The following VWA3B variants were observed in gnomAD, a reference collection of about 807,000 sequenced individuals.
VWA3B encodes von Willebrand factor A domain-containing protein 3B.
VWA3B carries 138 observed loss-of-function variants against 158.3 expected under a neutral mutation model. The observed-to-expected ratio is 0.87, with a 90% CI of 0.76 to 1.00. VWA3B has a LOEUF of 1.00. Ranked by LOEUF, VWA3B falls within the 50% of genes least tolerant of loss-of-function variation. VWA3B has a pLI of 0.00. For missense variants in VWA3B, 1,555 were observed against 1,565.1 expected (o/e 0.99, Z 0.11); for synonymous variants, 596 against 587.3 (o/e 1.01, Z -0.21).
intron 2 of VWA3B, among the ~76,000 whole-genome samples, chr2:98,113,435 T>A (rs1263250738): frequency 6.6e-6 from 1 of 152,152 alleles, no homozygotes; most frequent in Non-Finnish European, 1.5e-5. Context: ...CCACATTTGG[T>A]TGAAAAAAAT....
At chr2:98,117,748 CTTTTTT>C (rs35080840) in intron 3 of VWA3B, among the ~76,000 whole-genome samples, 1 of 119,470 alleles carries the variant, frequency 8.4e-6, no homozygotes, top group African/African-American at 3.5e-5. Flanking sequence ...CTTAAATTAC[CTTTTTT>C]TTTTTTTTTT....
At chr2:98,313,768 T>C (rs530953844), downstream of VWA3B, among the ~76,000 whole-genome samples, 3 of 152,154 alleles carry the variant, frequency 2.0e-5, no homozygotes, top group Non-Finnish European at 1.5e-5. Flanking sequence ...ATCACTGGTG[T>C]CTGGTGGTGG....
chr2:98,173,571 C>A lies in VWA3B; in HGVS notation c.1115-7445C>A, dbSNP rs557138440. Among the ~76,000 whole-genome samples the A allele has an allele frequency of 1.4e-4, 21 of 152,194 alleles. 2 individuals carry two copies. The South Asian group carries it at 2.1e-3, about 15-fold the overall frequency. ...TCTCCCCAAATTTGGGAGAATTGGT[C>A]GATTAGCATTTTGTAGATGCTATAC... On this transcript the variant is annotated intron_variant, in intron 8 of 27. Transcript: ENST00000477737.
In VWA3B at chr2:98,125,821, A is replaced by G. The variant is rs1044462903; in HGVS notation, c.703-2418A>G. ...TGGGACTACAGGCGCCTGCCACCACATCCGGCTAATTTTTCTGTATTTTTA... is the reference window on the plus strand; with the variant it reads ...TGGGACTACAGGCGCCTGCCACCACGTCCGGCTAATTTTTCTGTATTTTTA... On this transcript the variant is annotated intron_variant, in intron 5 of 27. Coordinates refer to ENST00000477737, the MANE Select transcript of VWA3B (RefSeq NM_144992.5). This position sits in a 1 kb window ranked among gnomAD's most constrained non-coding sequence, Gnocchi z 4.1. 6.6e-6 allele frequency among the ~76,000 whole-genome samples: 1 copy of G among 151,816 alleles called. No homozygotes were observed. The highest frequency in any genetic ancestry group is 2.1e-4 in the South Asian group (1 of 4,810).
intron 2 of VWA3B, among the ~76,000 whole-genome samples, chr2:98,102,626 T>C (rs1683167609): frequency 6.6e-6 from 1 of 152,228 alleles, no homozygotes; most frequent in South Asian, 2.1e-4. Flanking sequence ...TACCAATTTC[T>C]TACATTTTGT....
chr2:98,195,856 A>G (rs780443547), intron 12 of VWA3B, among the ~76,000 whole-genome samples: 2 of 152,196 alleles, frequency 1.3e-5, no homozygotes, highest in Non-Finnish European at 2.9e-5. Flanking sequence ...GGCTTGTTGA[A>G]TGTCCAAAAT....
At chr2:98,250,517 C>CTT (rs370926569) in intron 20 of VWA3B, 81 bp downstream of exon 20, 733 of 873,474 alleles carry the variant, frequency 8.4e-4, no homozygotes, top group South Asian at 1.0e-3. Context: ...TTTAGCTTAG[C>CTT]TTTTTTTTTT....
chr2:98,273,787 G>C (rs1349465818), intron 22 of VWA3B, among the ~76,000 whole-genome samples: 3 of 152,138 alleles, frequency 2.0e-5, no homozygotes, highest in African/African-American at 7.2e-5. Context: ...TGGAGACCCT[G>C]CTGCATAACA....
chr2:98,123,544 A>G (rs546379895), intron 5 of VWA3B, among the ~76,000 whole-genome samples: 7 of 152,340 alleles, frequency 4.6e-5, no homozygotes, highest in African/African-American at 1.7e-4. Context: ...AGAAGAGCAC[A>G]TGCAGAGTGG....
intron 9 of VWA3B, among the ~76,000 whole-genome samples, chr2:98,184,394 A>G (rs1308980581): frequency 6.6e-6 from 1 of 152,280 alleles, no homozygotes; most frequent in East Asian, 1.9e-4. Flanking sequence ...GCTTATCTCC[A>G]TGCAGTTAAC....
At chr2:98,128,827 G>A (rs762181804) in intron 6 of VWA3B, among the ~76,000 whole-genome samples, 4 of 152,174 alleles carry the variant, frequency 2.6e-5, no homozygotes, top group Non-Finnish European at 5.9e-5. Flanking sequence ...CTACACCCCA[G>A]AGCTCAGGGA....
chr2:98,251,206 G>T (rs989485884), intron 20 of VWA3B, among the ~76,000 whole-genome samples: 2 of 152,144 alleles, frequency 1.3e-5, no homozygotes, highest in African/African-American at 2.4e-5. Flanking sequence ...CTTCAACAAG[G>T]TTTTAAAGAA....
intron 2 of VWA3B, among the ~76,000 whole-genome samples, chr2:98,096,520 C>T (rs946235576): frequency 3.9e-5 from 6 of 152,270 alleles, no homozygotes; most frequent in African/African-American, 4.8e-5. Context: ...CCACCTGCCT[C>T]GGCCTCCCAA....
chr2:98,228,756 G>A (rs939208946), intron 15 of VWA3B, among the ~76,000 whole-genome samples: 5 of 152,276 alleles, frequency 3.3e-5, no homozygotes, highest in African/African-American at 2.4e-5. Flanking sequence ...AATGGTGGCC[G>A]TGGTGGTGGG....
intron 12 of VWA3B, among the ~76,000 whole-genome samples, chr2:98,202,672 T>C (rs181112751): frequency 3.3e-5 from 5 of 152,312 alleles, no homozygotes; most frequent in African/African-American, 1.2e-4. Context: ...CAGTTCGAGA[T>C]GTCATTTCTA....
intron 14 of VWA3B, among the ~76,000 whole-genome samples, chr2:98,218,666 A>G (rs1441655537): frequency 6.6e-6 from 1 of 152,248 alleles, no homozygotes; most frequent in African/African-American, 2.4e-5. Context: ...GCCTGTGCAT[A>G]TGCATTTCAA....
intron 19 of VWA3B, chr2:98,242,280 C>A: frequency 2.2e-6 from 1 of 456,212 alleles, no homozygotes; most frequent in South Asian, 1.5e-5. Context: ...AGCCTCAAAT[C>A]GGTCACCTTG....
chr2:98,297,058 A>G (rs576647244), intron 23 of VWA3B, among the ~76,000 whole-genome samples: 1 of 152,022 alleles, frequency 6.6e-6, no homozygotes, highest in Non-Finnish European at 1.5e-5. Context: ...AGTATAACAA[A>G]AAAAGAAACT....
chr2:98,188,202 C>G (rs1681281995), intron 10 of VWA3B, 73 bp downstream of exon 10: 1 of 1,538,254 alleles, frequency 6.5e-7, no homozygotes, highest in Non-Finnish European at 8.8e-7. Context: ...ATCTTTTTTC[C>G]TCCCTTTTAT....
Sources: gnomAD v4.1 joint callset for allele counts (sites outside exome capture counted in the v4.1 genomes callset) on GRCh38, gnomAD v4.1.1 for gene constraint, Gnocchi (gnomAD v3.1) non-coding constraint, MANE v1.5 for transcripts, NCBI Gene and HGNC (gene_info 2026-07-23, HGNC 2026-07-21) for gene names.